CRYM: variants seen among roughly 807,000 people sequenced by gnomAD.
CRYM encodes the protein ketimine reductase mu-crystallin.
In CRYM, 18 loss-of-function variants were observed where a neutral mutation model predicts 32.9. The observed-to-expected ratio is 0.55, with a 90% CI of 0.38 to 0.81. The LOEUF (loss-of-function observed/expected upper bound fraction) is 0.81, where lower values mean the gene tolerates loss of function less well. CRYM is among the 30% of genes least tolerant of loss of function. The probability of loss-of-function intolerance (pLI) is 0.00; values close to 1 mark genes in which losing one functional copy is unlikely to be tolerated. For missense variants in CRYM, 337 were observed against 393.5 expected (o/e 0.86, Z 1.21); for synonymous variants, 153 against 152.4 (o/e 1.00, Z -0.03).
At chr16:21,280,518 A>G (rs2093396295), upstream of CRYM, among the ~76,000 whole-genome samples, 1 of 152,220 alleles carries the variant, frequency 6.6e-6, no homozygotes, top group South Asian at 2.1e-4. Flanking sequence ...CAAATCAGAT[A>G]TGCCTCATTA....
intron 5 of CRYM, among the ~76,000 whole-genome samples, chr16:21,266,720 G>A (rs180915142): frequency 6.6e-6 from 1 of 152,214 alleles, no homozygotes; most frequent in Non-Finnish European, 1.5e-5. Context: ...ACATGTTATG[G>A]TCAGGCGTAG....
intron 1 of CRYM, among the ~76,000 whole-genome samples, chr16:21,295,693 G>A (rs532148433): frequency 5.9e-5 from 9 of 152,306 alleles, no homozygotes; most frequent in African/African-American, 2.2e-4. Context: ...AGCACTTTGG[G>A]AGGCCGAGGT....
intron 3 of CRYM, among the ~76,000 whole-genome samples, chr16:21,271,904 G>C (rs949607689): frequency 6.6e-6 from 1 of 151,914 alleles, no homozygotes; most frequent in Non-Finnish European, 1.5e-5. Flanking sequence ...TGTCGCCCAG[G>C]CTGGAATGCA....
Position 21,278,116 on chromosome 16 carries a change from CG to C in CRYM, c.135del (p.Val46CysfsTer7). On this transcript the variant is annotated frameshift_variant, in exon 1 of 8. Coordinates refer to ENST00000572914, the MANE Select transcript of CRYM (RefSeq NM_001376256.1). LOFTEE classifies it high-confidence loss of function. ...SSGPEGGVMQ[P>X]VRTVVPVTKH... ...TTGGTCACCGGCACCACGGTGCGCA[CG>C]GGCTGCATGACCCCTCCTTCGGGAC... 1 of 1,548,584 alleles carries C rather than the reference CG, an allele frequency of 6.5e-7. No individual in the cohort carries two copies. The highest frequency in any genetic ancestry group is 8.7e-7 in the Non-Finnish European group (1 of 1,147,060).
rs754944191 is a variant in CRYM at position 21,286,117 on chromosome 16, A to G, written c.-192-7157T>C. Among the ~76,000 whole-genome samples the G allele has an allele frequency of 7.9e-5, 12 of 152,218 alleles. No individual in the cohort carries two copies. In the South Asian group the frequency reaches 1.7e-3, roughly 21 times the overall value. On this transcript the variant is annotated intron_variant, in intron 1 of 9. Transcript: ENST00000219599. The stretch of plus-strand genomic sequence containing the variant: ...CATGAAGTTCCTTAAGAAGAAGCCA[A>G]TTTTGGACTGTAGCTGATTATAAAC...
rs377546760 is a variant in CRYM at position 21,262,899 on chromosome 16, G to A, written c.674-741C>T. 2.5e-4 allele frequency among the ~76,000 whole-genome samples: 38 copies of A among 152,264 alleles called. 3 individuals carry two copies. Among genetic ancestry groups the A allele is most frequent in the East Asian group, 1.5e-3 (8 of 5,190 alleles). ...TCCAGGTCTGAGAGAGCACCTAGGCGCTCACACCTCTTCTGCTTAACAGGA... is the reference window on the plus strand; with the variant it reads ...TCCAGGTCTGAGAGAGCACCTAGGCACTCACACCTCTTCTGCTTAACAGGA... On this transcript the variant is annotated intron_variant, in intron 5 of 7. Coordinates refer to ENST00000572914, the MANE Select transcript of CRYM (RefSeq NM_001376256.1).
chr16:21,298,008 TGA>T (rs1960823686), intron 1 of CRYM, among the ~76,000 whole-genome samples: 3 of 152,246 alleles, frequency 2.0e-5, no homozygotes, highest in African/African-American at 4.8e-5. Context: ...TCTTACCAAT[TGA>T]TATATCATTT....
Position 21,288,230 on chromosome 16 carries a change from A to G in CRYM, c.-192-9270T>C, listed in dbSNP as rs146686315. On this transcript the variant is annotated intron_variant, in intron 1 of 9. Coordinates refer to the CRYM transcript ENST00000219599. Reference sequence around the variant, plus strand: ...TTTGGTGGAATTCACCATTGAAGCCATCTTATCCCAACCTTTTCTTTGCTG... The same window carrying G: ...TTTGGTGGAATTCACCATTGAAGCCGTCTTATCCCAACCTTTTCTTTGCTG... 5.4e-4 allele frequency among the ~76,000 whole-genome samples: 83 copies of G among 152,350 alleles called. 2 individuals are homozygous for G. The highest frequency in any genetic ancestry group is 2.0e-3 in the African/African-American group (82 of 41,586).
intron 1 of CRYM, chr16:21,300,576 A>G (rs1465839767): frequency 2.6e-5 from 4 of 151,502 alleles, no homozygotes; most frequent in Admixed American, 2.0e-4. Context: ...GTCCCAATAA[A>G]CTCATCTACT....
At chr16:21,272,211 C>A (rs2093377007) in intron 3 of CRYM, among the ~76,000 whole-genome samples, 1 of 152,088 alleles carries the variant, frequency 6.6e-6, no homozygotes, top group African/African-American at 2.4e-5. Context: ...ATTAGTGGCA[C>A]TTCAATCTTT....
chr16:21,259,781 T>C lies in CRYM; in HGVS notation c.881-936A>G, dbSNP rs114541029. ...TCTCCCCTTTGTCTTGTAATTTTGGTAGATACCTTAACCTCTGCACCCAGC... is the reference window on the plus strand; with the variant it reads ...TCTCCCCTTTGTCTTGTAATTTTGGCAGATACCTTAACCTCTGCACCCAGC... On this transcript the variant is annotated intron_variant, in intron 7 of 7. Coordinates refer to ENST00000572914, the MANE Select transcript of CRYM (RefSeq NM_001376256.1). Among the ~76,000 whole-genome samples the C allele has an allele frequency of 7.3e-3, 1,116 of 152,318 alleles. 13 individuals carry two copies. The highest frequency in any genetic ancestry group is 0.026 in the African/African-American group (1,066 of 41,568).
upstream of CRYM, among the ~76,000 whole-genome samples, chr16:21,280,812 T>C (rs1364942647): frequency 5.3e-5 from 8 of 152,130 alleles, no homozygotes; most frequent in Non-Finnish European, 8.8e-5. Flanking sequence ...TCAGAGAAGA[T>C]AGGGAACATG....
chr16:21,281,094 TTCTCTCTCTCTCTCACTCTCTCTCTCTC>T (rs1298534402), upstream of CRYM, among the ~76,000 whole-genome samples: 16 of 143,490 alleles, frequency 1.1e-4, no homozygotes, highest in Non-Finnish European at 1.5e-5. Context: ...AACAGAGTGA[TTCTCTCTCTCTCTCACTCTCTCTCTCTC>T]TCTCTCTCTC....
intron 3 of CRYM, among the ~76,000 whole-genome samples, chr16:21,272,703 G>A (rs1234848479): frequency 1.3e-5 from 2 of 149,942 alleles, no homozygotes; most frequent in Non-Finnish European, 3.0e-5. Flanking sequence ...AGGCTGGAGT[G>A]CAGTGGTGTG....
chr16:21,286,068 A>G (rs2152864291), intron 1 of CRYM, among the ~76,000 whole-genome samples: 1 of 152,338 alleles, frequency 6.6e-6, no homozygotes, highest in South Asian at 2.1e-4. Context: ...ACCTGGATTC[A>G]AGAGTACTTG....
upstream of CRYM, among the ~76,000 whole-genome samples, chr16:21,282,973 A>G (rs1189794586): frequency 6.8e-6 from 1 of 147,462 alleles, no homozygotes; most frequent in Non-Finnish European, 1.5e-5. Flanking sequence ...CTTAACAGAA[A>G]GAAGATTAAT....
At chr16:21,265,416 A>C (rs996300415) in intron 5 of CRYM, among the ~76,000 whole-genome samples, 1 of 152,178 alleles carries the variant, frequency 6.6e-6, no homozygotes, top group African/African-American at 2.4e-5. Flanking sequence ...AGCTTCTCAG[A>C]TAACCCTATT....
At chr16:21,302,244 G>T (rs190422165) in intron 1 of CRYM, among the ~76,000 whole-genome samples, 1 of 152,304 alleles carries the variant, frequency 6.6e-6, no homozygotes, top group African/African-American at 2.4e-5. Flanking sequence ...AAATTGCTTG[G>T]TTTCTCTAAG....
At chr16:21,280,277 G>A (rs924009043), upstream of CRYM, among the ~76,000 whole-genome samples, 7 of 152,158 alleles carry the variant, frequency 4.6e-5, no homozygotes, top group African/African-American at 1.4e-4. Flanking sequence ...CTACCCAGGA[G>A]GCTGAGGCAG....
Sources: allele counts gnomAD v4.1 joint callset (sites outside exome capture counted in the v4.1 genomes callset), GRCh38; gene constraint gnomAD v4.1.1; transcripts MANE v1.5; gene names NCBI Gene and HGNC (gene_info 2026-07-23, HGNC 2026-07-21).